Variants in CCL26 observed in about 807,000 individuals in gnomAD.
CCL26 encodes C-C motif chemokine 26.
A neutral mutation model predicts 10.7 loss-of-function variants in CCL26; 10 were observed. The observed-to-expected ratio is 0.93, with a 90% CI of 0.57 to 1.58. The LOEUF is 1.58. Among genes scored for constraint, CCL26 ranks in the 40% most tolerant of loss-of-function variants. The pLI, the probability that CCL26 is intolerant of heterozygous loss-of-function variation, is 0.00. For synonymous variants in CCL26, 43 were observed against 41.4 expected (o/e 1.04, Z -0.15); for missense variants, 116 against 111.0 (o/e 1.05, Z -0.20).
At chr7:75,771,570 GC>G (rs1802820125) in intron 2 of CCL26, among the ~76,000 whole-genome samples, 1 of 152,170 alleles carries the variant, frequency 6.6e-6, no homozygotes, top group Admixed American at 6.5e-5. Flanking sequence ...ACAAAAATTA[GC>G]TGAGCATGGT....
chr7:75,787,197 C>T (rs1237881483), intron 1 of CCL26, among the ~76,000 whole-genome samples: 1 of 152,104 alleles, frequency 6.6e-6, no homozygotes, highest in African/African-American at 2.4e-5. Context: ...CTCGGTTTGG[C>T]CTTCCCACCT....
chr7:75,791,013 C>CTTTT (rs35608337), upstream of CCL26, among the ~76,000 whole-genome samples: 8 of 134,352 alleles, frequency 6.0e-5, no homozygotes, highest in Non-Finnish European at 7.9e-5. Flanking sequence ...GAAACTCCTC[C>CTTTT]TTTTTTTTTT....
chr7:75,770,048 T>A (rs1311377052), intron 2 of CCL26, among the ~76,000 whole-genome samples: 1 of 150,336 alleles, frequency 6.7e-6, no homozygotes, highest in African/African-American at 2.5e-5. Context: ...CTGCAGCATG[T>A]AACCTGCACC....
chr7:75,787,152 T>C (rs942844446), intron 1 of CCL26, among the ~76,000 whole-genome samples: 1 of 152,176 alleles, frequency 6.6e-6, no homozygotes, highest in Non-Finnish European at 1.5e-5. Context: ...AGAAGGTCAC[T>C]GCAGTCATTT....
upstream of CCL26, among the ~76,000 whole-genome samples, chr7:75,772,548 T>A (rs1232261576): frequency 2.0e-5 from 3 of 151,598 alleles, no homozygotes; most frequent in Non-Finnish European, 4.4e-5. Context: ...TCCCAGCTAC[T>A]CCTGAGGGTG....
At chr7:75,782,058 T>C (rs555094482) in intron 1 of CCL26, among the ~76,000 whole-genome samples, 1 of 152,312 alleles carries the variant, frequency 6.6e-6, no homozygotes, top group Admixed American at 6.5e-5. Flanking sequence ...GCCCAAGGAA[T>C]ATCTCACTGA....
In CCL26 at chr7:75,780,443, C is replaced by T. The variant is rs938379606; in HGVS notation, c.-78-8189G>A. On this transcript the variant is annotated intron_variant, in intron 1 of 3. Transcript: ENST00000394905. ...CAAAAACTTTTAAAACCTCTTCAAC[C>T]GACACCTGACCTAAAACCTAAATGC... Among the ~76,000 whole-genome samples, 8 of 152,090 alleles carry T rather than the reference C, an allele frequency of 5.3e-5. No individual in the cohort carries two copies. In the East Asian group the frequency reaches 5.8e-4, roughly 11 times the overall value.
chr7:75,790,241 T>TCCTC (rs370651721), upstream of CCL26, among the ~76,000 whole-genome samples: 8 of 120,232 alleles, frequency 6.7e-5, no homozygotes, highest in African/African-American at 1.6e-4. Context: ...CTTCCTTCCA[T>TCCTC]CCTCCCTCCC....
chr7:75,769,838 T>C, intron 2 of CCL26, 49 bp from the exon 3 acceptor site: 2 of 1,175,284 alleles, frequency 1.7e-6, no homozygotes, highest in South Asian at 2.5e-5. Flanking sequence ...CTTTGCCTCC[T>C]GGGGTGGGAT....
intron 1 of CCL26, among the ~76,000 whole-genome samples, chr7:75,783,570 T>C (rs1273835416): frequency 6.6e-5 from 10 of 151,912 alleles, no homozygotes; most frequent in Non-Finnish European, 8.8e-5. Flanking sequence ...GAGGCCGAGG[T>C]GGGCGGATCA....
chr7:75,789,409 T>C (rs1389844493), intron 1 of CCL26, among the ~76,000 whole-genome samples: 1 of 150,054 alleles, frequency 6.7e-6, no homozygotes, highest in African/African-American at 2.4e-5. Context: ...AGAATATTTC[T>C]CTCTCTCTCT....
upstream of CCL26, among the ~76,000 whole-genome samples, chr7:75,776,277 G>A (rs1241647046): frequency 4.6e-5 from 7 of 151,524 alleles, no homozygotes; most frequent in Non-Finnish European, 8.8e-5. Context: ...TCACCATGTT[G>A]GCCAGGCTGG....
At chr7:75,787,320 A>G (rs1279935721) in intron 1 of CCL26, among the ~76,000 whole-genome samples, 1 of 152,116 alleles carries the variant, frequency 6.6e-6, no homozygotes, top group Non-Finnish European at 1.5e-5. Flanking sequence ...AATCTTCAGG[A>G]AAGGTAAAAC....
At chr7:75,785,428 G>C (rs1803162639) in intron 1 of CCL26, among the ~76,000 whole-genome samples, 1 of 152,060 alleles carries the variant, frequency 6.6e-6, no homozygotes, top group African/African-American at 2.4e-5. Context: ...TTCTCAACAA[G>C]ACACTCTCCT....
At chr7:75,788,146 A>C (rs62475541) in intron 1 of CCL26, among the ~76,000 whole-genome samples, 5,616 of 152,092 alleles carry the variant, frequency 0.037, 139 homozygotes, top group Middle Eastern at 0.078. Flanking sequence ...TTTTCTTATT[A>C]ATATAAGAAG....
At chr7:75,786,882 G>A (rs369964976) in intron 1 of CCL26, among the ~76,000 whole-genome samples, 93 of 152,200 alleles carry the variant, frequency 6.1e-4, no homozygotes, top group African/African-American at 1.9e-3. Flanking sequence ...CTGCTAGCCC[G>A]CCTCTTAGAA....
upstream of CCL26, among the ~76,000 whole-genome samples, chr7:75,776,410 T>C (rs1352284876): frequency 7.3e-5 from 11 of 151,202 alleles, no homozygotes; most frequent in Admixed American, 7.3e-4. Context: ...GCATGGTGGC[T>C]CACTCCTGTA....
chr7:75,779,140 C>T (rs1420257672), intron 1 of CCL26, among the ~76,000 whole-genome samples: 1 of 152,128 alleles, frequency 6.6e-6, no homozygotes, highest in Non-Finnish European at 1.5e-5. Context: ...AGAACAACCC[C>T]ATTTGACTGT....
intron 1 of CCL26, among the ~76,000 whole-genome samples, chr7:75,778,775 A>G (rs944873250): frequency 6.6e-6 from 1 of 151,266 alleles, no homozygotes; most frequent in African/African-American, 2.4e-5. Flanking sequence ...CATAAAACTA[A>G]TCTTTAAAGG....
Sources: allele counts gnomAD v4.1 joint callset (sites outside exome capture counted in the v4.1 genomes callset), GRCh38; gene constraint gnomAD v4.1.1; transcripts MANE v1.5; gene names NCBI Gene and HGNC (gene_info 2026-07-23, HGNC 2026-07-21).